Variants in OTOGL observed in about 807,000 individuals in gnomAD.
The protein encoded by OTOGL is otogelin like.
Under a neutral mutation model 318.5 loss-of-function variants are expected in OTOGL, and 285 were observed. That is an observed-to-expected ratio of 0.89 (90% CI 0.81 to 0.99). The LOEUF (loss-of-function observed/expected upper bound fraction) is 0.99. Among genes scored for constraint, OTOGL ranks in the 50% least tolerant of loss-of-function variants. The pLI, the probability that OTOGL is intolerant of heterozygous loss-of-function variation, is 0.00. For synonymous variants in OTOGL, 987 were observed against 936.5 expected, an observed-to-expected ratio of 1.05 and a Z score of -0.99; for missense variants, 2,899 against 2,845.6, an observed-to-expected ratio of 1.02 and a Z score of -0.43.
intron 11 of OTOGL, among the ~76,000 whole-genome samples, chr12:80,243,675 A>T (rs1239039449): frequency 4.0e-5 from 6 of 151,486 alleles, no homozygotes; most frequent in Non-Finnish European, 5.9e-5. Flanking sequence ...TAAACTGGAA[A>T]GGATAAAAAA....
intron 53 of OTOGL, 126 bp downstream of exon 53, chr12:80,366,763 AGTAT>A: frequency 3.6e-6 from 1 of 275,770 alleles, no homozygotes; most frequent in Non-Finnish European, 6.5e-6. Context: ...CCAGTATTTG[AGTAT>A]AAAAATGTGT....
intron 7 of OTOGL, among the ~76,000 whole-genome samples, chr12:80,223,112 C>T (rs1878508313): frequency 6.6e-6 from 1 of 152,042 alleles, no homozygotes. Context: ...TTAGTTCCCA[C>T]TTACGAGTGA....
intron 57 of OTOGL, among the ~76,000 whole-genome samples, chr12:80,374,767 G>C (rs1280958187): frequency 6.6e-6 from 1 of 152,048 alleles, no homozygotes; most frequent in Admixed American, 6.6e-5. Flanking sequence ...TATTAGGGAA[G>C]TGAGTACAAT....
intron 1 of OTOGL, among the ~76,000 whole-genome samples, chr12:80,129,015 T>A (rs906381129): frequency 1.3e-5 from 2 of 152,188 alleles, no homozygotes; most frequent in Admixed American, 1.3e-4. Context: ...CGCCCTGCTT[T>A]GGCTCACGCT....
At chr12:80,243,266 G>A (rs1880538139) in intron 11 of OTOGL, among the ~76,000 whole-genome samples, 2 of 151,382 alleles carry the variant, frequency 1.3e-5, no homozygotes, top group African/African-American at 2.4e-5. Flanking sequence ...GAAGGAAGTG[G>A]CTTAAATTTT....
At chr12:80,246,372 AG>A (rs1880889077) in intron 11 of OTOGL, among the ~76,000 whole-genome samples, 2 of 142,422 alleles carry the variant, frequency 1.4e-5, no homozygotes, top group Admixed American at 1.4e-4. Context: ...TTTAGCATGA[AG>A]GGTTGTTGAA....
chr12:80,368,137 T>A, intron 54 of OTOGL, 68 bp from the exon 55 acceptor site: 3 of 1,174,898 alleles, frequency 2.6e-6, no homozygotes, highest in Non-Finnish European at 3.6e-6. Flanking sequence ...TTGGAAGAAA[T>A]AACTCTCCAG....
At chr12:80,317,871 G>A (rs1368105029) in intron 32 of OTOGL, among the ~76,000 whole-genome samples, 1 of 152,126 alleles carries the variant, frequency 6.6e-6, no homozygotes, top group Non-Finnish European at 1.5e-5. Flanking sequence ...CCACCTTGAT[G>A]TGGGGGCAAA....
At position 80,299,065 on chromosome 12, in the gene OTOGL, G is replaced by C. The variant is rs773007001; in HGVS notation, c.3063+2104G>C. 5.2e-4 allele frequency among the ~76,000 whole-genome samples: 79 copies of C among 152,072 alleles called. 1 individual carries two copies. The highest frequency in any genetic ancestry group is 5.9e-4 in the Admixed American group (9 of 15,262). On this transcript the variant is annotated intron_variant, in intron 27 of 58. Coordinates refer to ENST00000547103, the MANE Select transcript of OTOGL (RefSeq NM_001378609.3). ...TTTCTGGGCCCTACTTCAGTAATTG[G>C]AACGGCTGATGCTGAAAACAAAATT...
At chr12:80,204,617 TG>T (rs1876687167) in intron 1 of OTOGL, among the ~76,000 whole-genome samples, 2 of 152,156 alleles carry the variant, frequency 1.3e-5, no homozygotes, top group Admixed American at 1.3e-4. Context: ...CTTGGTGGTT[TG>T]GTTTTAATAA....
At chr12:80,376,794 A>G (rs967972362) in intron 57 of OTOGL, among the ~76,000 whole-genome samples, 8 of 152,126 alleles carry the variant, frequency 5.3e-5, no homozygotes, top group Non-Finnish European at 1.0e-4. Flanking sequence ...ATTATTTTAA[A>G]CACATATATG....
Position 80,279,037 on chromosome 12 carries a change from A to G in OTOGL, c.2799A>G (p.Arg933=). 1 of 1,550,644 alleles carries G rather than the reference A, an allele frequency of 6.4e-7. No individual in the cohort carries two copies. The highest frequency in any genetic ancestry group is 8.7e-7 in the Non-Finnish European group (1 of 1,150,028). The change falls in exon 26 of 59, where the codon CGA becomes CGG. Residue 933 remains arginine, a synonymous_variant. Coordinates refer to ENST00000547103, the MANE Select transcript of OTOGL (RefSeq NM_001378609.3). ...IATPCYTCVC[R]RGMFNCTYYP... is the part of the protein sequence containing the mutation. ...TGTTATTTTTTAATAGCGTTTGTCG[A>G]CGAGGAATGTTCAATTGCACATATT...
At chr12:80,338,481 G>A (rs1384356504) in intron 42 of OTOGL, among the ~76,000 whole-genome samples, 4 of 152,012 alleles carry the variant, frequency 2.6e-5, no homozygotes, top group African/African-American at 9.7e-5. Context: ...ATTATTTAAA[G>A]CACCGTTTTT....
At chr12:80,111,625 G>A (rs569097818) in intron 1 of OTOGL, among the ~76,000 whole-genome samples, 8 of 152,306 alleles carry the variant, frequency 5.3e-5, no homozygotes, top group Admixed American at 2.6e-4. Flanking sequence ...TTTGGTATCA[G>A]TACTATGCTG....
intron 53 of OTOGL, among the ~76,000 whole-genome samples, 157 bp downstream of exon 53, chr12:80,366,794 C>G (rs184371910): frequency 3.8e-4 from 57 of 151,366 alleles, no homozygotes; most frequent in African/African-American, 1.4e-3. Flanking sequence ...GTTTCAATTT[C>G]TTCTTTTGTA....
chr12:80,166,764 C>T (rs1300588680), intron 1 of OTOGL, among the ~76,000 whole-genome samples: 1 of 152,068 alleles, frequency 6.6e-6, no homozygotes, highest in Non-Finnish European at 1.5e-5. Context: ...TAGTGGAATT[C>T]CTAATGTATA....
At chr12:80,316,221 A>C (rs192706211) in intron 32 of OTOGL, among the ~76,000 whole-genome samples, 2 of 152,222 alleles carry the variant, frequency 1.3e-5, no homozygotes, top group Admixed American at 1.3e-4. Context: ...AATACATCCT[A>C]GTGTAGGGAT....
At chr12:80,291,887 G>C (rs2137684102) in intron 26 of OTOGL, among the ~76,000 whole-genome samples, 1 of 152,214 alleles carries the variant, frequency 6.6e-6, no homozygotes, top group East Asian at 1.9e-4. Flanking sequence ...CTCAAATTTT[G>C]CTCACAAGAG....
Position 80,363,504 on chromosome 12 carries a change from A to G in OTOGL, c.6268-3070A>G, listed in dbSNP as rs539774699. On this transcript the variant is annotated intron_variant, in intron 52 of 58. Transcript: ENST00000547103. The stretch of plus-strand genomic sequence containing the variant: ...GCAAAATGAAAGACTGGCCTTTTGT[A>G]ACAAGTTGAACAAATGTGTTGGGGG... Among the ~76,000 whole-genome samples the G allele has an allele frequency of 3.4e-3, 520 of 151,176 alleles. 1 individual carries two copies. Among genetic ancestry groups the G allele is most frequent in the African/African-American group, 0.012 (477 of 41,138 alleles).
Sources: allele counts gnomAD v4.1 joint callset (sites outside exome capture counted in the v4.1 genomes callset), GRCh38; gene constraint gnomAD v4.1.1; transcripts MANE v1.5; gene names NCBI Gene and HGNC (gene_info 2026-07-23, HGNC 2026-07-21).